Variants in BLTP3A observed in about 807,000 individuals in gnomAD.
BLTP3A encodes the protein ICBP90 binding protein 1.
At chr6:34,822,821 C>T in the BLTP3A span, among the ~76,000 whole-genome samples, 8 of 151,156 alleles carry the variant, frequency 5.3e-5, no homozygotes, top group East Asian at 1.6e-3. Flanking sequence ...CACCCTGCAG[C>T]CTGGGTGATA....
chr6:34,861,169 A>T, the BLTP3A span, among the ~76,000 whole-genome samples: 1 of 151,362 alleles, frequency 6.6e-6, no homozygotes, highest in Non-Finnish European at 1.5e-5. Context: ...GACAGGTCTC[A>T]TTCTGTTGCC....
chr6:34,835,414 A>G, the BLTP3A span: 8 of 1,614,064 alleles, frequency 5.0e-6, no homozygotes, highest in African/African-American at 1.3e-5. Flanking sequence ...GAGTGAAGCC[A>G]TGGAGAAGTC....
the BLTP3A span, chr6:34,871,907 A>G: frequency 6.2e-7 from 1 of 1,614,134 alleles, no homozygotes; most frequent in South Asian, 1.1e-5. Context: ...TGCCCACAGG[A>G]GAGGTTTTTG....
the BLTP3A span, among the ~76,000 whole-genome samples, chr6:34,802,643 G>C: frequency 6.6e-6 from 1 of 152,142 alleles, no homozygotes; most frequent in African/African-American, 2.4e-5. Flanking sequence ...TTACAGGTGT[G>C]AGCCACCCTG....
At chr6:34,834,986 T>G in the BLTP3A span, 1 of 1,228,070 alleles carries the variant, frequency 8.1e-7, no homozygotes, top group Non-Finnish European at 1.1e-6. Context: ...GGGGAAGGCC[T>G]GTAAATCAGT....
At chr6:34,824,146 GC>G in the BLTP3A span, among the ~76,000 whole-genome samples, 1 of 151,924 alleles carries the variant, frequency 6.6e-6, no homozygotes, top group Admixed American at 6.6e-5. Flanking sequence ...TCACCATGTT[GC>G]CCAGGCTGGT....
At chr6:34,860,762 T>TA in the BLTP3A span, among the ~76,000 whole-genome samples, 1 of 152,186 alleles carries the variant, frequency 6.6e-6, no homozygotes. Context: ...GGGCAAGGAT[T>TA]AAAAGCCTGG....
At chr6:34,834,552 G>C in the BLTP3A span, 3 of 1,361,892 alleles carry the variant, frequency 2.2e-6, no homozygotes, top group African/African-American at 4.4e-5. Context: ...CAGTGTTACT[G>C]CTACATCCTT....
At chr6:34,806,534 T>A in the BLTP3A span, among the ~76,000 whole-genome samples, 1 of 152,224 alleles carries the variant, frequency 6.6e-6, no homozygotes, top group East Asian at 1.9e-4. Context: ...TAGGGTCAGT[T>A]CTGCTCAGAA....
the BLTP3A span, chr6:34,823,310 C>T: frequency 6.2e-7 from 1 of 1,613,988 alleles, no homozygotes; most frequent in Non-Finnish European, 8.5e-7. Flanking sequence ...CTCGGCCCCC[C>T]AATGGACAGT....
chr6:34,848,783 T>C, the BLTP3A span, among the ~76,000 whole-genome samples: 1 of 152,082 alleles, frequency 6.6e-6, no homozygotes. Flanking sequence ...ATTCTGTGTC[T>C]TTTGATTGGA....
the BLTP3A span, among the ~76,000 whole-genome samples, chr6:34,852,694 C>T: frequency 6.6e-6 from 1 of 152,122 alleles, no homozygotes; most frequent in African/African-American, 2.4e-5. Context: ...AGGTCACTTG[C>T]ACCCCAAGTC....
chr6:34,795,486 C>T, the BLTP3A span, among the ~76,000 whole-genome samples: 1 of 151,960 alleles, frequency 6.6e-6, no homozygotes, highest in Non-Finnish European at 1.5e-5. Context: ...CAACCTCTGC[C>T]TCCTGGGTTC....
At chr6:34,800,288 C>T in the BLTP3A span, among the ~76,000 whole-genome samples, 43 of 152,264 alleles carry the variant, frequency 2.8e-4, no homozygotes, top group African/African-American at 1.0e-3. Flanking sequence ...CTGGGTATGG[C>T]ATTAATCACG....
chr6:34,801,886 C>T, the BLTP3A span, among the ~76,000 whole-genome samples: 10 of 152,088 alleles, frequency 6.6e-5, no homozygotes, highest in Admixed American at 1.3e-4. Flanking sequence ...TACAGGCGCC[C>T]GCCGCCACAC....
At chr6:34,834,753 A>T in the BLTP3A span, 2 of 1,613,708 alleles carry the variant, frequency 1.2e-6, no homozygotes, top group Non-Finnish European at 1.7e-6. Flanking sequence ...CTTGGCAAAC[A>T]CTCCGAATTG....
At chr6:34,861,274 C>T in the BLTP3A span, among the ~76,000 whole-genome samples, 5 of 151,924 alleles carry the variant, frequency 3.3e-5, no homozygotes, top group Admixed American at 1.3e-4. Flanking sequence ...CACAGGCATG[C>T]GCCACCACGC....
chr6:34,850,986 C>T, the BLTP3A span, among the ~76,000 whole-genome samples: 106 of 152,178 alleles, frequency 7.0e-4, no homozygotes, highest in African/African-American at 2.5e-3. Context: ...AGAGCCACTG[C>T]GCCCAGCCTC....
the BLTP3A span, among the ~76,000 whole-genome samples, chr6:34,819,141 C>CTT: frequency 0.014 from 1,903 of 133,770 alleles, 46 homozygotes; most frequent in African/African-American, 0.05. Flanking sequence ...GACAGTTTTT[C>CTT]TTTTTTTTTT....
Sources: gnomAD v4.1 joint callset for allele counts (sites outside exome capture counted in the v4.1 genomes callset) on GRCh38, gnomAD v4.1.1 for gene constraint, MANE v1.5 for transcripts, NCBI Gene and HGNC (gene_info 2026-07-23, HGNC 2026-07-21) for gene names.